Variants in LRRC1 observed in about 807,000 individuals in gnomAD.
The protein encoded by LRRC1 is leucine-rich repeat-containing protein 1.
In LRRC1, 28 loss-of-function variants were observed where a neutral mutation model predicts 69.9. The ratio of observed to expected loss-of-function variants is 0.40; its 90% confidence interval spans 0.30 to 0.55. The LOEUF is 0.55. Ranked by LOEUF, LRRC1 falls within the 20% of genes least tolerant of loss-of-function variation. The pLI is 0.47. For synonymous variants in LRRC1, 236 were observed against 240.2 expected, an observed-to-expected ratio of 0.98 and a Z score of 0.16; for missense variants, 498 against 609.0, an observed-to-expected ratio of 0.82 and a Z score of 1.92.
At chr6:53,808,847 G>A (rs1190516824) in intron 1 of LRRC1, among the ~76,000 whole-genome samples, 1 of 152,098 alleles carries the variant, frequency 6.6e-6, no homozygotes, top group African/African-American at 2.4e-5. Context: ...GTGAGACCCT[G>A]TTTCAAAAAC....
intron 2 of LRRC1, among the ~76,000 whole-genome samples, chr6:53,848,444 A>C (rs12211130): frequency 0.16 from 23,993 of 152,230 alleles, 1,999 homozygotes; most frequent in African/African-American, 0.17. Context: ...TTTAAACATG[A>C]AGATATGGTT....
intron 11 of LRRC1, among the ~76,000 whole-genome samples, chr6:53,917,040 G>A (rs1297499547): frequency 6.6e-6 from 1 of 152,138 alleles, no homozygotes; most frequent in East Asian, 1.9e-4. Flanking sequence ...CGTTGATTCT[G>A]TTTATTCTGT....
chr6:53,920,281 T>C (rs1028595413), intron 12 of LRRC1, among the ~76,000 whole-genome samples: 1 of 152,164 alleles, frequency 6.6e-6, no homozygotes, highest in African/African-American at 2.4e-5. Context: ...CAGAACAGTT[T>C]TGAAGTTGTA....
At chr6:53,917,814 A>C (rs542099666) in intron 11 of LRRC1, among the ~76,000 whole-genome samples, 1 of 152,366 alleles carries the variant, frequency 6.6e-6, no homozygotes, top group South Asian at 2.1e-4. Context: ...AAAATGAAAA[A>C]GTTTGATGTA....
chr6:53,884,965 C>G (rs1276959872), intron 4 of LRRC1, among the ~76,000 whole-genome samples: 1 of 152,088 alleles, frequency 6.6e-6, no homozygotes, highest in Non-Finnish European at 1.5e-5. Context: ...TGATTGTTTA[C>G]TGAATAAAAT....
chr6:53,887,844 G>C (rs757102089), intron 4 of LRRC1, among the ~76,000 whole-genome samples: 3 of 152,134 alleles, frequency 2.0e-5, no homozygotes, highest in African/African-American at 7.2e-5. Context: ...TGCAGATGCC[G>C]GTTGGCATGG....
At chr6:53,872,015 A>G (rs1378724461) in intron 2 of LRRC1, among the ~76,000 whole-genome samples, 2 of 152,086 alleles carry the variant, frequency 1.3e-5, no homozygotes, top group Non-Finnish European at 2.9e-5. Context: ...GTCCAAAGAA[A>G]TCCTTGCCCA....
chr6:53,845,122 T>G (rs1189709801), intron 2 of LRRC1, among the ~76,000 whole-genome samples: 2 of 152,172 alleles, frequency 1.3e-5, no homozygotes, highest in Non-Finnish European at 2.9e-5. Context: ...GAGAATCGCT[T>G]GAACCCGGGA....
At position 53,824,336 on chromosome 6, in the gene LRRC1, G is replaced by GT. The variant is rs559656726; in HGVS notation, c.160-17765dup. On this transcript the variant is annotated intron_variant, in intron 1 of 13. Coordinates refer to ENST00000370888, the MANE Select transcript of LRRC1 (RefSeq NM_018214.5). ...TGCCCTTTGCCCACTTTTTAATGGTGTTTTTTTTTGTTTGTTGATTTGTTT... is the reference window on the plus strand; with the variant it reads ...TGCCCTTTGCCCACTTTTTAATGGTGTTTTTTTTTTGTTTGTTGATTTGTTT... Among the ~76,000 whole-genome samples the GT allele has an allele frequency of 1.3e-3, 198 of 150,160 alleles. 1 individual carries two copies. Among genetic ancestry groups the GT allele is most frequent in the Non-Finnish European group, 1.9e-3 (127 of 67,362 alleles).
At chr6:53,909,759 A>G (rs182543872) in intron 10 of LRRC1, among the ~76,000 whole-genome samples, 63 of 152,316 alleles carry the variant, frequency 4.1e-4, no homozygotes, top group African/African-American at 1.4e-3. Context: ...GGATTCTAAA[A>G]TTATGCTTCA....
intron 1 of LRRC1, among the ~76,000 whole-genome samples, chr6:53,810,859 A>G (rs1479128552): frequency 6.6e-6 from 1 of 152,140 alleles, no homozygotes; most frequent in African/African-American, 2.4e-5. Context: ...CTCCAATGTC[A>G]GTGCCGCCTT....
At chr6:53,906,311 G>A (rs1768235446) in intron 10 of LRRC1, among the ~76,000 whole-genome samples, 1 of 152,218 alleles carries the variant, frequency 6.6e-6, no homozygotes, top group South Asian at 2.1e-4. Flanking sequence ...CTTTCCATCT[G>A]TGTGACCTTG....
chr6:53,849,126 T>G (rs2127418682), intron 2 of LRRC1, among the ~76,000 whole-genome samples: 1 of 151,130 alleles, frequency 6.6e-6, no homozygotes, highest in South Asian at 2.1e-4. Flanking sequence ...GAACAACACC[T>G]TTGAATATGT....
chr6:53,863,747 G>A (rs1766606459), intron 2 of LRRC1, among the ~76,000 whole-genome samples: 1 of 152,106 alleles, frequency 6.6e-6, no homozygotes, highest in Non-Finnish European at 1.5e-5. Context: ...TAACAGAACA[G>A]TGTAATTTTT....
intron 4 of LRRC1, among the ~76,000 whole-genome samples, chr6:53,894,740 C>A (rs562893515): frequency 6.6e-6 from 1 of 152,180 alleles, no homozygotes; most frequent in Non-Finnish European, 1.5e-5. Context: ...AGATTATTTA[C>A]AGATTGCTTT....
In LRRC1 at chr6:53,896,719, A is replaced by T. The variant is rs1299868578; in HGVS notation, c.504-110A>T. ...TCCTTCCTGTGCAATATTTTCTACCATAAAAATAAAAATGGACCTTATTTT... is the reference window on the plus strand; with the variant it reads ...TCCTTCCTGTGCAATATTTTCTACCTTAAAAATAAAAATGGACCTTATTTT... On this transcript the variant is annotated intron_variant, in intron 5 of 13. Coordinates refer to ENST00000370888, the MANE Select transcript of LRRC1 (RefSeq NM_018214.5). The T allele has an allele frequency of 4.1e-6, 4 of 975,204 alleles. No individual in the cohort carries two copies. In the South Asian group the frequency reaches 4.5e-5, roughly 11 times the overall value. 60.4% of individuals were successfully genotyped at this position (975,204 alleles called of 1,614,324 possible).
chr6:53,893,329 G>A (rs1767763269), intron 4 of LRRC1, among the ~76,000 whole-genome samples: 1 of 152,154 alleles, frequency 6.6e-6, no homozygotes, highest in Admixed American at 6.5e-5. Context: ...GGGACAAGCA[G>A]GATTCAAGCC....
At chr6:53,912,091 A>G (rs1030050531) in intron 10 of LRRC1, among the ~76,000 whole-genome samples, 3 of 152,232 alleles carry the variant, frequency 2.0e-5, no homozygotes, top group Non-Finnish European at 4.4e-5. Flanking sequence ...GTATAAACAT[A>G]TGTAAATGAG....
chr6:53,851,184 ACAC>A (rs1766118528), intron 2 of LRRC1, among the ~76,000 whole-genome samples: 1 of 120,842 alleles, frequency 8.3e-6, no homozygotes, highest in Non-Finnish European at 1.8e-5. Context: ...ACACACACAC[ACAC>A]ACACACACAC....
Sources: allele counts gnomAD v4.1 joint callset (sites outside exome capture counted in the v4.1 genomes callset), GRCh38; gene constraint gnomAD v4.1.1; transcripts MANE v1.5; gene names NCBI Gene and HGNC (gene_info 2026-07-23, HGNC 2026-07-21).